Variants in TLK1 observed in about 807,000 individuals in gnomAD.
The protein encoded by TLK1 is serine/threonine-protein kinase tousled-like 1.
Under a neutral mutation model 105.3 loss-of-function variants are expected in TLK1, and 24 were observed. That is an observed-to-expected ratio of 0.23 (90% confidence interval 0.17 to 0.32). TLK1 has a LOEUF of 0.32. Among genes scored for constraint, TLK1 ranks in the 10% least tolerant of loss-of-function variants. The probability of loss-of-function intolerance (pLI) is 1.00; values close to 1 mark genes in which losing one functional copy is unlikely to be tolerated. For missense variants in TLK1, 558 were observed against 910.5 expected, an observed-to-expected ratio of 0.61 and a Z score of 4.98; for synonymous variants, 321 against 310.4, an observed-to-expected ratio of 1.03 and a Z score of -0.36.
intron 11 of TLK1, among the ~76,000 whole-genome samples, chr2:171,038,362 C>A (rs1044104026): frequency 3.3e-5 from 5 of 151,966 alleles, no homozygotes; most frequent in Admixed American, 1.3e-4. Flanking sequence ...TTGGTTAATT[C>A]TCTTGCTCAT....
At chr2:171,156,284 C>T (rs1157187398) in intron 1 of TLK1, among the ~76,000 whole-genome samples, 2 of 152,072 alleles carry the variant, frequency 1.3e-5, no homozygotes, top group Non-Finnish European at 2.9e-5. Flanking sequence ...AGGTGATTTG[C>T]AAAAATATAA....
chr2:171,039,031 C>T (rs1228757926), intron 11 of TLK1, among the ~76,000 whole-genome samples: 1 of 152,040 alleles, frequency 6.6e-6, no homozygotes, highest in Admixed American at 6.5e-5. Flanking sequence ...ATTATTATAG[C>T]TTCCTAGTGA....
intron 2 of TLK1, among the ~76,000 whole-genome samples, chr2:171,101,935 T>C (rs1429391474): frequency 1.3e-5 from 2 of 152,232 alleles, no homozygotes; most frequent in Non-Finnish European, 2.9e-5. Context: ...CAATGACTTA[T>C]TTAAAAAATG....
intron 16 of TLK1, 39 bp downstream of exon 16, chr2:171,006,761 A>C (rs1259958984): frequency 6.3e-7 from 1 of 1,586,828 alleles, no homozygotes; most frequent in South Asian, 1.1e-5. Flanking sequence ...GAAAGCAAGC[A>C]TATCTTTCCT....
At chr2:171,138,997 C>A (rs1012413918) in intron 1 of TLK1, among the ~76,000 whole-genome samples, 1 of 152,256 alleles carries the variant, frequency 6.6e-6, no homozygotes, top group African/African-American at 2.4e-5. Context: ...ATGAGCAACT[C>A]TAAAAGTCTG....
intron 1 of TLK1, among the ~76,000 whole-genome samples, chr2:171,195,982 G>A (rs1292670267): frequency 6.6e-6 from 1 of 150,634 alleles, no homozygotes; most frequent in East Asian, 1.9e-4. Context: ...AGGCTGCAGT[G>A]GGCTGAGATT....
intron 12 of TLK1, among the ~76,000 whole-genome samples, chr2:171,015,339 A>C (rs892410075): frequency 1.3e-5 from 2 of 152,084 alleles, no homozygotes; most frequent in African/African-American, 4.8e-5. Flanking sequence ...AAATGAAAAT[A>C]TTTTATAATA....
upstream of TLK1, among the ~76,000 whole-genome samples, chr2:171,163,731 C>G (rs997491604): frequency 2.4e-4 from 36 of 151,934 alleles, no homozygotes; most frequent in African/African-American, 8.7e-4. Flanking sequence ...TATCCTTATG[C>G]CAATTCATAG....
intron 3 of TLK1, among the ~76,000 whole-genome samples, chr2:171,071,260 A>C (rs1338327160): frequency 3.3e-5 from 5 of 150,936 alleles, no homozygotes; most frequent in Non-Finnish European, 5.9e-5. Context: ...TTTGCTGTGC[A>C]GAAGCTTTTT....
chr2:171,058,262 C>T (rs1687594326), intron 4 of TLK1, 65 bp from the exon 5 acceptor site: 1 of 1,385,216 alleles, frequency 7.2e-7, no homozygotes, highest in Non-Finnish European at 1.0e-6. Context: ...TATTAAGAGT[C>T]CGCAGGACAT....
intron 20 of TLK1, 67 bp downstream of exon 20, chr2:170,996,586 C>A: frequency 7.4e-7 from 1 of 1,343,024 alleles, no homozygotes; most frequent in Non-Finnish European, 1.1e-6. Flanking sequence ...AAAGTACTTA[C>A]CTTGTTGTCA....
chr2:171,135,266 A>G (rs1043151414), intron 1 of TLK1, among the ~76,000 whole-genome samples: 9 of 151,546 alleles, frequency 5.9e-5, no homozygotes, highest in Non-Finnish European at 1.0e-4. Context: ...CGATATGTTA[A>G]TTAGCTTTGT....
At chr2:171,136,805 A>G (rs1259222531) in intron 1 of TLK1, among the ~76,000 whole-genome samples, 3 of 152,218 alleles carry the variant, frequency 2.0e-5, no homozygotes, top group Admixed American at 6.5e-5. Context: ...TTCCTCAAGG[A>G]AAGTTACTCT....
chr2:171,006,450 A>C, intron 17 of TLK1, 24 bp downstream of exon 17: 1 of 1,527,630 alleles, frequency 6.5e-7, no homozygotes, highest in Non-Finnish European at 8.8e-7. Flanking sequence ...AGTTTAAAAA[A>C]AATTAGACAA....
intron 13 of TLK1, among the ~76,000 whole-genome samples, chr2:171,011,835 T>C (rs1296818870): frequency 2.6e-5 from 4 of 152,186 alleles, no homozygotes; most frequent in African/African-American, 7.2e-5. Flanking sequence ...TTTTACAGTA[T>C]TGACATATGA....
At chr2:171,067,110 T>TATAC (rs1481719203) in intron 3 of TLK1, 3 of 828,446 alleles carry the variant, frequency 3.6e-6, no homozygotes, top group Non-Finnish European at 5.2e-6. Flanking sequence ...ATTTCTCTGG[T>TATAC]ATACATACTT....
chr2:171,015,651 T>TAC (rs1237561471), intron 12 of TLK1, among the ~76,000 whole-genome samples: 1 of 141,448 alleles, frequency 7.1e-6, no homozygotes, highest in African/African-American at 2.7e-5. Context: ...CCAAAACAAG[T>TAC]ACACATATCA....
chr2:171,004,144 G>A (rs1199911350), intron 18 of TLK1, among the ~76,000 whole-genome samples: 2 of 151,980 alleles, frequency 1.3e-5, no homozygotes, highest in African/African-American at 4.8e-5. Context: ...AGTATTTTTA[G>A]CAGAGACGAG....
intron 10 of TLK1, among the ~76,000 whole-genome samples, chr2:171,048,121 G>T (rs561367511): frequency 1.3e-5 from 2 of 152,032 alleles, no homozygotes; most frequent in Non-Finnish European, 2.9e-5. Flanking sequence ...GCTAATTTTT[G>T]TATTTTCAGT....
Sources: gnomAD v4.1 joint callset for allele counts (sites outside exome capture counted in the v4.1 genomes callset) on GRCh38, gnomAD v4.1.1 for gene constraint, MANE v1.5 for transcripts, NCBI Gene and HGNC (gene_info 2026-07-23, HGNC 2026-07-21) for gene names.